The following AHI1 variants were observed in gnomAD, a reference collection of about 807,000 sequenced individuals.
AHI1 encodes the protein Abelson helper integration site 1.
In AHI1, 123 loss-of-function variants were observed where a neutral mutation model predicts 149.3. That is an observed-to-expected ratio of 0.82 (90% CI 0.71 to 0.96). The LOEUF (loss-of-function observed/expected upper bound fraction) is 0.96. Ranked by LOEUF, AHI1 falls within the 40% of genes least tolerant of loss-of-function variation. The pLI is 0.00. For missense variants in AHI1, 1,439 were observed against 1,422.7 expected (o/e 1.01, Z -0.18); for synonymous variants, 475 against 459.8 (o/e 1.03, Z -0.42).
chr6:135,351,210 G>A (rs1180798028), intron 24 of AHI1, among the ~76,000 whole-genome samples: 1 of 151,890 alleles, frequency 6.6e-6, no homozygotes. Flanking sequence ...CATTCATCAG[G>A]TTTCCTTGTT....
chr6:135,455,666 A>C (rs1788819010), intron 10 of AHI1, 68 bp downstream of exon 10: 2 of 1,223,368 alleles, frequency 1.6e-6, no homozygotes. Context: ...TACTAAAAAT[A>C]ATAGCTTACA....
At chr6:135,377,457 TTTGAG>T (rs1255374482) in intron 23 of AHI1, among the ~76,000 whole-genome samples, 2 of 143,162 alleles carry the variant, frequency 1.4e-5, no homozygotes, top group Admixed American at 1.4e-4. Flanking sequence ...GTAATCTGGC[TTTGAG>T]TTATTTATTT....
In AHI1 at chr6:135,290,526, C is replaced by A; in HGVS notation, c.3486-1G>T. On this transcript the variant is annotated splice_acceptor_variant, in intron 27 of 28. Coordinates refer to ENST00000265602, the MANE Select transcript of AHI1 (RefSeq NM_001134831.2). LOFTEE classifies it high-confidence loss of function. The stretch of plus-strand genomic sequence containing the variant: ...GCTCTGTTCTTTTCTCATTTCAGAA[C>A]TATAGGAGGGAAAGATCAGAAACAA... 6.2e-7 allele frequency: 1 copy of A among 1,613,438 alleles called. No individual in the cohort carries two copies. Among genetic ancestry groups the A allele is most frequent in the Non-Finnish European group, 8.5e-7 (1 of 1,179,784 alleles).
At chr6:135,485,662 T>C (rs1794364430) in intron 5 of AHI1, among the ~76,000 whole-genome samples, 1 of 152,250 alleles carries the variant, frequency 6.6e-6, no homozygotes. Context: ...TTAATTTTTG[T>C]ATTTTTCTCC....
intron 11 of AHI1, among the ~76,000 whole-genome samples, chr6:135,449,542 G>A (rs1239386362): frequency 6.6e-6 from 1 of 152,160 alleles, no homozygotes; most frequent in Non-Finnish European, 1.5e-5. Context: ...TAAATTAGAA[G>A]AATAAGCACT....
intron 24 of AHI1, among the ~76,000 whole-genome samples, chr6:135,346,857 C>T (rs1384977329): frequency 1.3e-5 from 2 of 152,156 alleles, no homozygotes; most frequent in Non-Finnish European, 2.9e-5. Context: ...GTGACTCTGC[C>T]AGTGCACTTC....
chr6:135,489,346 A>G (rs1794921499), intron 5 of AHI1, among the ~76,000 whole-genome samples: 1 of 152,104 alleles, frequency 6.6e-6, no homozygotes, highest in South Asian at 2.1e-4. Context: ...GCCTATTCTG[A>G]TTATCCATTT....
intron 26 of AHI1, among the ~76,000 whole-genome samples, chr6:135,303,518 T>C (rs1784151537): frequency 6.6e-6 from 1 of 151,768 alleles, no homozygotes; most frequent in African/African-American, 2.4e-5. Flanking sequence ...ATTAACTCTG[T>C]GTGGCCTGGG....
intron 5 of AHI1, among the ~76,000 whole-genome samples, chr6:135,482,893 G>GTTTTTTTTTTTTTTTTTTTTTTTT (rs1491384083): frequency 1.7e-3 from 10 of 5,782 alleles, no homozygotes; most frequent in African/African-American, 4.2e-3. Context: ...TCCATTTAAG[G>GTTTTTTTTTTTTTTTTTTTTTTTT]CTTTTTTTTT....
chr6:135,352,959 T>C (rs1792386727), intron 24 of AHI1, among the ~76,000 whole-genome samples: 1 of 151,758 alleles, frequency 6.6e-6, no homozygotes, highest in Non-Finnish European at 1.5e-5. Context: ...TATCTTCCAG[T>C]AATATAAAAT....
At chr6:135,472,018 C>A (rs1583409052) in intron 5 of AHI1, among the ~76,000 whole-genome samples, 14 of 54,424 alleles carry the variant, frequency 2.6e-4, no homozygotes, top group South Asian at 1.5e-3. Context: ...GACTCCGTCT[C>A]AAAAAAAAAA....
chr6:135,452,375 C>G (rs1788259476), intron 11 of AHI1, among the ~76,000 whole-genome samples: 1 of 152,152 alleles, frequency 6.6e-6, no homozygotes, highest in Non-Finnish European at 1.5e-5. Context: ...CAATCTACGC[C>G]TTTCATCTTT....
rs1183310371 is a variant in AHI1 at position 135,411,472 on chromosome 6, T to C, written c.2837A>G (p.Gln946Arg). 1.2e-6 allele frequency: 2 copies of C among 1,613,268 alleles called. No homozygotes were observed. The highest frequency in any genetic ancestry group is 1.7e-6 in the Non-Finnish European group (2 of 1,179,560). Residue 946 changes from glutamine to arginine, a missense_variant, in exon 21 of 29, where the codon CAA becomes CGA. By Grantham distance (43) the Gln-to-Arg change is conservative. Transcript: ENST00000265602. ...TFPLPGIHQS[Q>R]DALCTCPKLP... ...TTTTGGACAGGTACATAGGGCATCT[T>C]GACTTTGGTGTATTCCAGGTAATGG...
intron 24 of AHI1, among the ~76,000 whole-genome samples, chr6:135,357,487 T>G (rs549572366): frequency 2.0e-5 from 3 of 152,202 alleles, no homozygotes; most frequent in Non-Finnish European, 4.4e-5. Flanking sequence ...ATACTCAACC[T>G]ATATTACCAA....
chr6:135,463,783 G>A (rs775868971), intron 7 of AHI1, among the ~76,000 whole-genome samples: 22 of 150,674 alleles, frequency 1.5e-4, no homozygotes, highest in Non-Finnish European at 1.2e-4. Flanking sequence ...ACTGGGTTTC[G>A]CGCTGTCGCC....
intron 20 of AHI1, among the ~76,000 whole-genome samples, chr6:135,422,337 C>T (rs1783298437): frequency 6.6e-6 from 1 of 151,892 alleles, no homozygotes; most frequent in Non-Finnish European, 1.5e-5. Context: ...CATGGCAAAA[C>T]CCTGTTTCTA....
At position 135,455,922 on chromosome 6, in the gene AHI1, G is replaced by T; in HGVS notation, c.1156C>A (p.Arg386=). ...TTTTCATAGTAAGATGAAACAGGCC[G>T]TCCACTGTACAAAAAAAGATACTTC... ...GQYVKKDDSG[R]PVSSYYEKEN... The change falls in exon 10 of 29, where the codon CGG becomes AGG. Residue 386 remains arginine (R), a synonymous_variant. Coordinates refer to ENST00000265602, the MANE Select transcript of AHI1 (RefSeq NM_001134831.2). 5.6e-6 allele frequency: 8 copies of T among 1,440,652 alleles called. No individual in the cohort carries two copies. The highest frequency in any genetic ancestry group is 1.8e-5 in the South Asian group (1 of 56,604). The allele number at this position is 1,440,652 out of a possible 1,614,324, so 89.2% of individuals were successfully genotyped here. A position where few individuals can be genotyped will look rare whatever the true frequency, so the allele number is the denominator to read the frequency against.
chr6:135,424,347 AATT>A (rs1783646885), intron 20 of AHI1, among the ~76,000 whole-genome samples: 1 of 152,006 alleles, frequency 6.6e-6, no homozygotes. Context: ...TATTTACTAA[AATT>A]ATTATTAAAT....
intron 20 of AHI1, among the ~76,000 whole-genome samples, chr6:135,424,444 G>T (rs1003533385): frequency 3.9e-5 from 6 of 151,948 alleles, no homozygotes; most frequent in Non-Finnish European, 5.9e-5. Flanking sequence ...ATTTAATTCA[G>T]TAGAAGCCGT....
Sources: gnomAD v4.1 joint callset for allele counts (sites outside exome capture counted in the v4.1 genomes callset) on GRCh38, gnomAD v4.1.1 for gene constraint, MANE v1.5 for transcripts, NCBI Gene and HGNC (gene_info 2026-07-23, HGNC 2026-07-21) for gene names.